Variants in PDE8A observed in about 807,000 individuals in gnomAD.
PDE8A encodes the protein phosphodiesterase 8A, also known as high affinity cAMP-specific and IBMX-insensitive 3',5'-cyclic phosphodiesterase 8A.
PDE8A carries 59 observed loss-of-function variants against 105.0 expected under a neutral mutation model. The observed-to-expected ratio is 0.56, with a 90% CI of 0.46 to 0.70. The LOEUF (loss-of-function observed/expected upper bound fraction) is 0.70. PDE8A is among the 30% of genes least tolerant of loss of function. The pLI is 0.00. For synonymous variants in PDE8A, 355 were observed against 371.9 expected, an observed-to-expected ratio of 0.95 and a Z score of 0.52; for missense variants, 1,014 against 1,045.9, an observed-to-expected ratio of 0.97 and a Z score of 0.42.
Position 85,098,099 on chromosome 15 carries a change from T to C in PDE8A, c.941+63T>C, listed in dbSNP as rs561623659. ...TGTTTTGGGTTATTGCAGAATTTGC[T>C]TTGAATATTTAAGTTAAGGACTGCT... On this transcript the variant is annotated intron_variant, in intron 9 of 21. Transcript: ENST00000394553. 2.6e-4 allele frequency: 260 copies of C among 987,388 alleles called. 2 individuals carry two copies. The South Asian group carries it at 3.3e-3, about 13-fold the overall frequency. 61.2% of individuals were successfully genotyped at this position (987,388 alleles called of 1,614,324 possible).
intron 11 of PDE8A, among the ~76,000 whole-genome samples, chr15:85,105,779 GATGAGT>G (rs1360259798): frequency 6.6e-6 from 1 of 152,178 alleles, no homozygotes; most frequent in Non-Finnish European, 1.5e-5. Context: ...GATACCTCAG[GATGAGT>G]ATGTGTTTTC....
intron 1 of PDE8A, among the ~76,000 whole-genome samples, chr15:85,039,658 C>T (rs969374515): frequency 7.2e-5 from 11 of 152,140 alleles, no homozygotes; most frequent in African/African-American, 2.2e-4. Context: ...TGTCTGTACT[C>T]CTGTGTTCGT....
intron 3 of PDE8A, among the ~76,000 whole-genome samples, chr15:85,073,443 G>A (rs920558590): frequency 3.3e-5 from 5 of 152,164 alleles, no homozygotes; most frequent in Non-Finnish European, 1.5e-5. Flanking sequence ...AGGTAAACAA[G>A]GTCCTCCCTT....
intron 1 of PDE8A, chr15:85,062,378 C>A (rs1038554250): frequency 2.6e-5 from 4 of 152,178 alleles, no homozygotes; most frequent in Non-Finnish European, 5.9e-5. Flanking sequence ...TAATCACTTT[C>A]TAGTTTTCCC....
intron 1 of PDE8A, among the ~76,000 whole-genome samples, chr15:85,040,562 ATTT>A (rs535874533): frequency 2.3e-5 from 3 of 132,944 alleles, no homozygotes; most frequent in Non-Finnish European, 1.6e-5. Context: ...GTGCTTATGT[ATTT>A]TTTTTTTTTT....
chr15:85,132,703 C>T (rs917260563), intron 20 of PDE8A, among the ~76,000 whole-genome samples: 3 of 152,150 alleles, frequency 2.0e-5, no homozygotes, highest in Non-Finnish European at 2.9e-5. Context: ...GTGATCCACC[C>T]ACCTCAGCTT....
At chr15:85,109,777 G>T (rs193171173) in intron 12 of PDE8A, among the ~76,000 whole-genome samples, 19 of 152,278 alleles carry the variant, frequency 1.2e-4, no homozygotes, top group Admixed American at 1.2e-3. Flanking sequence ...TATACAGTAG[G>T]GATCAAATGC....
At chr15:85,003,213 C>G (rs1408163148) in intron 1 of PDE8A, among the ~76,000 whole-genome samples, 1 of 152,136 alleles carries the variant, frequency 6.6e-6, no homozygotes, top group Non-Finnish European at 1.5e-5. Flanking sequence ...CAAATGAAAC[C>G]AGGACTTTTT....
chr15:85,073,621 A>T (rs1195747888), intron 3 of PDE8A, among the ~76,000 whole-genome samples: 1 of 152,212 alleles, frequency 6.6e-6, no homozygotes, highest in Non-Finnish European at 1.5e-5. Context: ...ATGGCTACAT[A>T]CTTAAATTTG....
chr15:85,119,016 C>T (rs1053208679), intron 17 of PDE8A, among the ~76,000 whole-genome samples: 11 of 151,896 alleles, frequency 7.2e-5, no homozygotes, highest in African/African-American at 2.4e-4. Context: ...ATAGGGTGTC[C>T]AGAGAAGGGG....
rs371318844 is a variant in PDE8A at position 85,035,111 on chromosome 15, C to G, written c.187-29259C>G. 4.6e-5 allele frequency among the ~76,000 whole-genome samples: 7 copies of G among 150,692 alleles called. No homozygotes were observed. The East Asian group carries it at 9.7e-4, about 21-fold the overall frequency. On this transcript the variant is annotated intron_variant, in intron 1 of 21. Transcript: ENST00000394553. ...TCAAGAAGTCGGACCTTATATTCCA[C>G]TAATATGTTTCTCTGAGCAACTCAA...
intron 1 of PDE8A, among the ~76,000 whole-genome samples, chr15:85,007,612 T>C (rs1395127486): frequency 2.6e-5 from 4 of 152,028 alleles, no homozygotes; most frequent in Admixed American, 1.3e-4. Context: ...TCTGCAACTT[T>C]ATAGCTGTGA....
At chr15:84,995,392 G>T (rs1198464081) in intron 1 of PDE8A, among the ~76,000 whole-genome samples, 1 of 151,214 alleles carries the variant, frequency 6.6e-6, no homozygotes, top group Non-Finnish European at 1.5e-5. Flanking sequence ...ATAGTTAACT[G>T]CAGCCTTGAC....
At chr15:85,107,201 A>G (rs775870529) in intron 11 of PDE8A, among the ~76,000 whole-genome samples, 7 of 152,342 alleles carry the variant, frequency 4.6e-5, no homozygotes, top group Middle Eastern at 6.8e-3. Flanking sequence ...GGAGAGGCAC[A>G]TTTCCAAGTA....
intron 1 of PDE8A, among the ~76,000 whole-genome samples, chr15:85,000,308 A>G (rs1406829460): frequency 6.6e-6 from 1 of 152,220 alleles, no homozygotes; most frequent in Non-Finnish European, 1.5e-5. Flanking sequence ...GCTGCTGAAT[A>G]TACTGATAAT....
chr15:85,064,468 T>A (rs765525407), intron 2 of PDE8A, 42 bp downstream of exon 2: 1 of 1,356,838 alleles, frequency 7.4e-7, no homozygotes, highest in Non-Finnish European at 1.1e-6. Context: ...GCTGATTTTC[T>A]TTAAAAAGGG....
At chr15:85,116,421 C>A in intron 16 of PDE8A, 1 of 333,278 alleles carries the variant, frequency 3.0e-6, no homozygotes, top group Non-Finnish European at 5.6e-6. Context: ...GTTAAGATTG[C>A]TGTAAGAGAT....
intron 11 of PDE8A, among the ~76,000 whole-genome samples, chr15:85,105,087 T>TG (rs930862835): frequency 2.0e-5 from 3 of 152,176 alleles, no homozygotes; most frequent in African/African-American, 7.2e-5. Context: ...GGACATGCCT[T>TG]GCCAGTAATG....
chr15:84,992,612 A>G (rs1369799025), intron 1 of PDE8A, among the ~76,000 whole-genome samples: 1 of 152,158 alleles, frequency 6.6e-6, no homozygotes, highest in Non-Finnish European at 1.5e-5. Context: ...TGCAGGACCT[A>G]TTGCAGTGGT....
Sources: allele counts gnomAD v4.1 joint callset (sites outside exome capture counted in the v4.1 genomes callset), GRCh38; gene constraint gnomAD v4.1.1; transcripts MANE v1.5; gene names NCBI Gene and HGNC (gene_info 2026-07-23, HGNC 2026-07-21).